DHX32: variants seen among roughly 807,000 people sequenced by gnomAD.
The protein encoded by DHX32 is putative pre-mRNA-splicing factor ATP-dependent RNA helicase DHX32.
DHX32 carries 51 observed loss-of-function variants against 70.0 expected under a neutral mutation model. The ratio of observed to expected loss-of-function variants is 0.73; its 90% confidence interval spans 0.58 to 0.92. The LOEUF (loss-of-function observed/expected upper bound fraction) is 0.92, where lower values mean the gene tolerates loss of function less well. Among genes scored for constraint, DHX32 ranks in the 40% least tolerant of loss-of-function variants. The pLI is 0.00. For synonymous variants in DHX32, 310 were observed against 315.3 expected (o/e 0.98, Z 0.18); for missense variants, 762 against 891.8 (o/e 0.85, Z 1.85).
intron 1 of DHX32, among the ~76,000 whole-genome samples, chr10:125,872,450 G>C (rs1256910485): frequency 6.6e-6 from 1 of 152,100 alleles, no homozygotes; most frequent in South Asian, 2.1e-4. Flanking sequence ...TGAGTACTTA[G>C]CAAAAGTTGC....
At chr10:125,890,989 C>T (rs5788728) in intron 1 of DHX32, among the ~76,000 whole-genome samples, 3,191 of 152,070 alleles carry the variant, frequency 0.021, 38 homozygotes, top group Middle Eastern at 0.034. Flanking sequence ...AAGTCCCCCC[C>T]GAGCTCAATC....
At chr10:125,861,325 G>A (rs376449512) in intron 2 of DHX32, among the ~76,000 whole-genome samples, 2 of 151,816 alleles carry the variant, frequency 1.3e-5, no homozygotes, top group African/African-American at 4.8e-5. Flanking sequence ...GTGAAACCCC[G>A]TCTCTACTAA....
At chr10:125,854,472 C>G (rs1292535566) in intron 3 of DHX32, 1 of 272,858 alleles carries the variant, frequency 3.7e-6, no homozygotes, top group Non-Finnish European at 6.9e-6. Flanking sequence ...GATGACTTCC[C>G]ACAACTGCCA....
At chr10:125,873,620 A>G (rs1242313060) in intron 1 of DHX32, among the ~76,000 whole-genome samples, 3 of 152,192 alleles carry the variant, frequency 2.0e-5, no homozygotes, top group Non-Finnish European at 2.9e-5. Flanking sequence ...TCATCAGCAC[A>G]AGCTCATGGT....
chr10:125,863,513 T>C (rs984536917), intron 2 of DHX32, among the ~76,000 whole-genome samples: 3 of 151,906 alleles, frequency 2.0e-5, no homozygotes, highest in African/African-American at 7.3e-5. Context: ...AGTGGCATGA[T>C]CTCGGCTCAC....
chr10:125,879,312 C>T (rs1022207605), intron 1 of DHX32, among the ~76,000 whole-genome samples: 1 of 152,098 alleles, frequency 6.6e-6, no homozygotes, highest in East Asian at 1.9e-4. Flanking sequence ...GTGTGAACCA[C>T]TGCACCTGGC....
intron 2 of DHX32, among the ~76,000 whole-genome samples, chr10:125,860,835 A>G (rs564885662): frequency 1.5e-3 from 172 of 117,872 alleles, no homozygotes; most frequent in Non-Finnish European, 2.4e-3. Flanking sequence ...GGCTCACTGC[A>G]AGCTCCGCCT....
At chr10:125,849,395 G>A (rs886270572) in intron 6 of DHX32, among the ~76,000 whole-genome samples, 6 of 152,116 alleles carry the variant, frequency 3.9e-5, no homozygotes, top group African/African-American at 1.4e-4. Flanking sequence ...TTCACTTTCT[G>A]TAACATTATT....
rs1400213266 is a variant in DHX32 at position 125,866,102 on chromosome 10, A to G, written c.476+888T>C. 6.6e-6 allele frequency among the ~76,000 whole-genome samples: 1 copy of G among 151,908 alleles called. No homozygotes were observed. The highest frequency in any genetic ancestry group is 1.5e-5 in the Non-Finnish European group (1 of 67,948). The stretch of plus-strand genomic sequence containing the variant: ...AGATACTTAGCTACTTGGCTCTTGG[A>G]GTGGTCGGGCAGTGCCCGGGGCAGC... On this transcript the variant is annotated intron_variant, in intron 2 of 10. Coordinates refer to ENST00000284690, the MANE Select transcript of DHX32 (RefSeq NM_018180.3). The surrounding 1 kb of genome is among the most constrained non-coding windows in gnomAD (Gnocchi z 4.8).
chr10:125,850,578 C>T (rs1448999176), intron 6 of DHX32, among the ~76,000 whole-genome samples: 4 of 152,044 alleles, frequency 2.6e-5, no homozygotes, highest in African/African-American at 9.7e-5. Context: ...TGGTCTTGAA[C>T]TCCTGACCTG....
At chr10:125,841,354 G>A (rs1321933484) in intron 7 of DHX32, 1 of 1,613,880 alleles carries the variant, frequency 6.2e-7, no homozygotes, top group East Asian at 2.2e-5. Flanking sequence ...CCCAGTATTA[G>A]AATAAATTAA....
At chr10:125,845,677 T>A (rs1306168810) in intron 6 of DHX32, among the ~76,000 whole-genome samples, 1 of 152,218 alleles carries the variant, frequency 6.6e-6, no homozygotes, top group African/African-American at 2.4e-5. Flanking sequence ...ATGTTAGAGA[T>A]AGAGTGGCCT....
intron 1 of DHX32, among the ~76,000 whole-genome samples, chr10:125,886,414 G>C (rs1589719440): frequency 6.6e-6 from 1 of 152,250 alleles, no homozygotes; most frequent in Non-Finnish European, 1.5e-5. Flanking sequence ...ACTGGAATGT[G>C]AGCTCTATGA....
At chr10:125,892,057 T>C (rs902465151) in intron 1 of DHX32, among the ~76,000 whole-genome samples, 1 of 152,192 alleles carries the variant, frequency 6.6e-6, no homozygotes, top group Non-Finnish European at 1.5e-5. Flanking sequence ...CCAACGTATA[T>C]GACAGGCATC....
rs11244670 is a variant in DHX32 at position 125,847,978 on chromosome 10, C to T, written c.1351+4315G>A. Among the ~76,000 whole-genome samples, 1,297 of 152,288 alleles carry T rather than the reference C, an allele frequency of 8.5e-3. 5 individuals are homozygous for T. Among genetic ancestry groups the T allele is most frequent in the Non-Finnish European group, 0.013 (861 of 68,020 alleles). ...GTCCGGCCCAGTTCCTAACAGGCCA[C>T]GAACTGGTACCCATCACTGCCTAGG... On this transcript the variant is annotated intron_variant, in intron 6 of 10. Coordinates refer to ENST00000284690, the MANE Select transcript of DHX32 (RefSeq NM_018180.3).
chr10:125,886,150 T>A (rs1944340025), upstream of DHX32, among the ~76,000 whole-genome samples: 1 of 152,266 alleles, frequency 6.6e-6, no homozygotes. Context: ...TGGAACTTGG[T>A]GTTCACCCTT....
At chr10:125,860,018 C>T in intron 2 of DHX32, 43 bp from the exon 3 acceptor site, 1 of 1,463,110 alleles carries the variant, frequency 6.8e-7, no homozygotes, top group Non-Finnish European at 9.0e-7. Context: ...CTTATGCTAA[C>T]TCATGCAAAA....
At chr10:125,890,686 C>T (rs1474700963) in intron 1 of DHX32, 1 of 152,248 alleles carries the variant, frequency 6.6e-6, no homozygotes, top group African/African-American at 2.4e-5. Context: ...GATGAATATA[C>T]AGTATTGAAT....
intron 1 of DHX32, among the ~76,000 whole-genome samples, chr10:125,869,102 G>A (rs1028633488): frequency 2.6e-4 from 39 of 152,014 alleles, no homozygotes; most frequent in Admixed American, 3.9e-4. Flanking sequence ...ATTCTACATC[G>A]TTTAAGAATT....
Sources: allele counts gnomAD v4.1 joint callset (sites outside exome capture counted in the v4.1 genomes callset), GRCh38; gene constraint gnomAD v4.1.1; non-coding constraint Gnocchi (gnomAD v3.1); transcripts MANE v1.5; gene names NCBI Gene and HGNC (gene_info 2026-07-23, HGNC 2026-07-21).